Variants in SLC38A3 observed in about 807,000 individuals in gnomAD.
SLC38A3 encodes sodium-coupled neutral amino acid transporter 3.
SLC38A3 carries 17 observed loss-of-function variants against 59.5 expected under a neutral mutation model. The ratio of observed to expected loss-of-function variants is 0.29; its 90% CI spans 0.20 to 0.43. SLC38A3 has a LOEUF of 0.43. Ranked by LOEUF, SLC38A3 falls within the 20% of genes least tolerant of loss-of-function variation. The pLI is 1.00. For missense variants in SLC38A3, 454 were observed against 653.9 expected (o/e 0.69, Z 3.33); for synonymous variants, 238 against 260.3 (o/e 0.91, Z 0.82).
At chr3:50,205,790 C>T (rs1452949423) in intron 1 of SLC38A3, among the ~76,000 whole-genome samples, 1 of 152,236 alleles carries the variant, frequency 6.6e-6, no homozygotes, top group Non-Finnish European at 1.5e-5. Flanking sequence ...AGCGCTGCCC[C>T]GACGGGCGCC....
chr3:50,214,416 C>T lies in SLC38A3; in HGVS notation c.116C>T (p.Ala39Val), dbSNP rs555078572. The T allele has an allele frequency of 3.8e-6, 6 of 1,585,548 alleles. No homozygotes were observed. The South Asian group carries it at 4.6e-5, about 12-fold the overall frequency. ...TGTGCCTACAGGGTCGAGGACCCTGCACGGAGCTGTATGGAGGGCAAGAGC... is the reference window on the plus strand; with the variant it reads ...TGTGCCTACAGGGTCGAGGACCCTGTACGGAGCTGTATGGAGGGCAAGAGC... ...MAGNQRVEDP[A>V]RSCMEGKSFL... Residue 39 changes from alanine (A) to valine (V), a missense_variant, in exon 3 of 16, where the codon GCA becomes GTA. By Grantham distance (64) the Ala-to-Val change is moderately conservative. Transcript: ENST00000614032. This position sits in a 1 kb window ranked among gnomAD's most constrained non-coding sequence, Gnocchi z 6.0.
chr3:50,209,023 G>A (rs982979705), intron 1 of SLC38A3, among the ~76,000 whole-genome samples: 1 of 152,188 alleles, frequency 6.6e-6, no homozygotes, highest in Non-Finnish European at 1.5e-5. Flanking sequence ...CCAGAAGTCC[G>A]GCTGTCTAAA....
Position 50,214,248 on chromosome 3 carries a change from A to G in SLC38A3, c.49A>G (p.Lys17Glu). Reference sequence around the variant, plus strand: ...GATGGTGGAGCTGGTGCCCAATGGCAAACACTCAGAGGGGCTGCTCCCGGT... The same window carrying G: ...GATGGTGGAGCTGGTGCCCAATGGCGAACACTCAGAGGGGCTGCTCCCGGT... ...TEMVELVPNG[K>E]HSEGLLPVIT... Residue 17 changes from lysine (K) to glutamate (E), a missense_variant, in exon 2 of 16, where the codon AAA (lysine) becomes GAA (glutamate). Transcript: ENST00000614032. The surrounding 1 kb of genome is among the most constrained non-coding windows in gnomAD (Gnocchi z 6.0). 1.9e-6 allele frequency: 3 copies of G among 1,613,944 alleles called. No homozygotes were observed. Among genetic ancestry groups the G allele is most frequent in the Non-Finnish European group, 2.5e-6 (3 of 1,179,852 alleles).
Position 50,215,663 on chromosome 3 carries a change from G to T in SLC38A3, c.466+27G>T. ...TAAGAGCAGTGGGCAGGGGCAGGCA[G>T]TAGGGAGGTGGACAGCCCTGAAAGC... On this transcript the variant is annotated intron_variant, in intron 6 of 15. Transcript: ENST00000614032. The surrounding 1 kb of genome is among the most constrained non-coding windows in gnomAD (Gnocchi z 7.1). 1 of 1,612,430 alleles carries T rather than the reference G, an allele frequency of 6.2e-7. No homozygotes were observed. The highest frequency in any genetic ancestry group is 1.1e-5 in the South Asian group (1 of 91,040).
chr3:50,218,437 TGCCCTCCATACCGAG>T lies in SLC38A3; in HGVS notation c.1036+70_1036+84del. 1 of 1,519,898 alleles carries T rather than the reference TGCCCTCCATACCGAG, an allele frequency of 6.6e-7. No individual in the cohort carries two copies. Among genetic ancestry groups the T allele is most frequent in the Non-Finnish European group, 9.1e-7 (1 of 1,094,948 alleles). The allele number at this position is 1,519,898 out of a possible 1,614,324, so 94.2% of individuals were successfully genotyped here. A position where few individuals can be genotyped will look rare whatever the true frequency, so the allele number is the denominator to read the frequency against. On this transcript the variant is annotated intron_variant, in intron 12 of 15. Coordinates refer to ENST00000614032, the MANE Select transcript of SLC38A3 (RefSeq NM_006841.6). The surrounding 1 kb of genome is among the most constrained non-coding windows in gnomAD (Gnocchi z 5.8). Reference sequence around the variant, plus strand: ...GGGAAGGGGCTGGTTGTGGCCATGGTGCCCTCCATACCGAGGCGTGTGGTGCCTGGCTGTGCCTTG... The same window carrying T: ...GGGAAGGGGCTGGTTGTGGCCATGGTGCGTGTGGTGCCTGGCTGTGCCTTG...
At chr3:50,208,784 C>CTCTG (rs1230970702) in intron 1 of SLC38A3, among the ~76,000 whole-genome samples, 2 of 152,244 alleles carry the variant, frequency 1.3e-5, no homozygotes, top group Non-Finnish European at 1.5e-5. Flanking sequence ...GCCGCTGCAT[C>CTCTG]TCTGTCTGTC....
rs1040302190 is a variant in SLC38A3 at position 50,217,581 on chromosome 3, A to G, written c.691-95A>G. 2.5e-6 allele frequency: 4 copies of G among 1,581,994 alleles called. No homozygotes were observed. Among genetic ancestry groups the G allele is most frequent in the Non-Finnish European group, 3.5e-6 (4 of 1,155,332 alleles). ...CTCTGGGAAGCCTGGGCCAGAAGGC[A>G]GCTCCACCAGTCCTGATCTAGATGT... On this transcript the variant is annotated intron_variant, in intron 9 of 15. Coordinates refer to ENST00000614032, the MANE Select transcript of SLC38A3 (RefSeq NM_006841.6). The surrounding 1 kb of genome is among the most constrained non-coding windows in gnomAD (Gnocchi z 4.9).
Position 50,218,009 on chromosome 3 carries a change from G to A in SLC38A3, c.935+13G>A. Reference sequence around the variant, plus strand: ...CTGAGCTCAAGGAGTAGGTGTCTGTGGCTGGGAGTGGGGGTGGGGATGCCC... The same window carrying A: ...CTGAGCTCAAGGAGTAGGTGTCTGTAGCTGGGAGTGGGGGTGGGGATGCCC... On this transcript the variant is annotated intron_variant, in intron 11 of 15. Transcript: ENST00000614032. This position sits in a 1 kb window ranked among gnomAD's most constrained non-coding sequence, Gnocchi z 5.8. The A allele has an allele frequency of 6.2e-7, 1 of 1,613,300 alleles. No homozygotes were observed. The highest frequency in any genetic ancestry group is 1.1e-5 in the South Asian group (1 of 91,042).
chr3:50,212,872 G>C lies in SLC38A3; in HGVS notation c.-51-1277G>C, dbSNP rs144453433. On this transcript the variant is annotated intron_variant, in intron 1 of 15. Coordinates refer to ENST00000614032, the MANE Select transcript of SLC38A3 (RefSeq NM_006841.6). ...ATGGGGGGTTCAGGGCAGAATTCAG[G>C]GTTCTCCATCAGAGAGGGCACCACG... Among the ~76,000 whole-genome samples, 316 of 152,302 alleles carry C rather than the reference G, an allele frequency of 2.1e-3. 1 individual carries two copies. Among genetic ancestry groups the C allele is most frequent in the Admixed American group, 5.0e-3 (77 of 15,304 alleles).
chr3:50,214,848 C>T lies in SLC38A3; in HGVS notation c.299+80C>T. ...CATGACCTCCCAGGACCCGCCAGTT[C>T]CCTGTCCCAGCATCCAGGCTGCAGT... On this transcript the variant is annotated intron_variant, in intron 4 of 15. Transcript: ENST00000614032. The surrounding 1 kb of genome is among the most constrained non-coding windows in gnomAD (Gnocchi z 6.0). 1 of 914,524 alleles carries T rather than the reference C, an allele frequency of 1.1e-6. No individual in the cohort carries two copies. The highest frequency in any genetic ancestry group is 2.3e-5 in the Admixed American group (1 of 43,238). The allele number at this position is 914,524 out of a possible 1,614,324, so 56.7% of individuals were successfully genotyped here. A position where few individuals can be genotyped will look rare whatever the true frequency, so the allele number is the denominator to read the frequency against.
chr3:50,218,423 G>C lies in SLC38A3; in HGVS notation c.1036+53G>C, dbSNP rs966871284. ...TAGGCTAGGCTGGGGGGAAGGGGCTGGTTGTGGCCATGGTGCCCTCCATAC... is the reference window on the plus strand; with the variant it reads ...TAGGCTAGGCTGGGGGGAAGGGGCTCGTTGTGGCCATGGTGCCCTCCATAC... On this transcript the variant is annotated intron_variant, in intron 12 of 15. Coordinates refer to ENST00000614032, the MANE Select transcript of SLC38A3 (RefSeq NM_006841.6). This position sits in a 1 kb window ranked among gnomAD's most constrained non-coding sequence, Gnocchi z 5.8. 6.5e-7 allele frequency: 1 copy of C among 1,534,954 alleles called. No homozygotes were observed. The highest frequency in any genetic ancestry group is 9.0e-7 in the Non-Finnish European group (1 of 1,108,486).
intron 1 of SLC38A3, among the ~76,000 whole-genome samples, chr3:50,209,430 C>T (rs970274473): frequency 2.6e-5 from 4 of 152,080 alleles, no homozygotes; most frequent in African/African-American, 4.8e-5. Context: ...GGGTGGATCA[C>T]GAGGTCAGGA....
chr3:50,213,918 G>A (rs755789775), intron 1 of SLC38A3, among the ~76,000 whole-genome samples: 1 of 152,190 alleles, frequency 6.6e-6, no homozygotes, highest in Non-Finnish European at 1.5e-5. Flanking sequence ...GTGCATGTAA[G>A]AAGTGCATTA....
Position 50,213,118 on chromosome 3 carries a change from G to A in SLC38A3, c.-51-1031G>A, listed in dbSNP as rs550470558. On this transcript the variant is annotated intron_variant, in intron 1 of 15. Transcript: ENST00000614032. The stretch of plus-strand genomic sequence containing the variant: ...AGTTGTCTGGGCAGCGGGCAGGGGT[G>A]GTGGAGGAAGGAGAGCTGGTTCCTT... 1.4e-4 allele frequency among the ~76,000 whole-genome samples: 21 copies of A among 152,340 alleles called. No individual in the cohort carries two copies. The South Asian group carries it at 4.1e-3, about 30-fold the overall frequency.
chr3:50,219,996 C>T lies in SLC38A3; in HGVS notation c.1410+12C>T. ...CCCCCAAAATCCTGGTGCGAGGGGC[C>T]TGGAGGCCGGTGGGCTGGTATGGGG... On this transcript the variant is annotated intron_variant, in intron 15 of 15. Transcript: ENST00000614032. The T allele has an allele frequency of 1.9e-6, 3 of 1,608,756 alleles. No individual in the cohort carries two copies. The highest frequency in any genetic ancestry group is 2.5e-6 in the Non-Finnish European group (3 of 1,177,386).
At position 50,217,502 on chromosome 3, in the gene SLC38A3, A is replaced by G. The variant is rs1699834651; in HGVS notation, c.690+29A>G. On this transcript the variant is annotated intron_variant, in intron 9 of 15. Transcript: ENST00000614032. This position sits in a 1 kb window ranked among gnomAD's most constrained non-coding sequence, Gnocchi z 4.9. ...AGTCACCCTCCATGTTGGCTGAGAA[A>G]GCGGGCAGCGGGTCTCCTGGGGGAG... The G allele has an allele frequency of 6.2e-7, 1 of 1,607,970 alleles. No homozygotes were observed. Among genetic ancestry groups the G allele is most frequent in the African/African-American group, 1.3e-5 (1 of 74,762 alleles).
rs764560647 is a variant in SLC38A3 at position 50,217,274 on chromosome 3, T to C, written c.585T>C (p.Leu195=). The C allele has an allele frequency of 6.2e-6, 10 of 1,613,580 alleles. No individual in the cohort carries two copies. In the South Asian group the frequency reaches 7.7e-5, roughly 12 times the overall value. Residue 195 remains leucine, a synonymous_variant, in exon 8 of 16, where the codon CTT becomes CTC. Transcript: ENST00000614032. This position sits in a 1 kb window ranked among gnomAD's most constrained non-coding sequence, Gnocchi z 4.9. ...WYMNGNYLVI[L]VSVTIILPLA... ...TGAACGGGAACTACCTGGTAATCCT[T>C]GTCTCTGTCACCATCATTCTGCCCC...
intron 1 of SLC38A3, among the ~76,000 whole-genome samples, chr3:50,213,797 G>A (rs1699769186): frequency 6.6e-6 from 1 of 152,236 alleles, no homozygotes; most frequent in Non-Finnish European, 1.5e-5. Context: ...GGGGGCCTGG[G>A]ACTGAGCATC....
chr3:50,209,415 A>C (rs1479062261), intron 1 of SLC38A3, among the ~76,000 whole-genome samples: 1 of 152,146 alleles, frequency 6.6e-6, no homozygotes, highest in Non-Finnish European at 1.5e-5. Flanking sequence ...TTGGGAGGCC[A>C]AGGTGGGTGG....
Sources: allele counts gnomAD v4.1 joint callset (sites outside exome capture counted in the v4.1 genomes callset), GRCh38; gene constraint gnomAD v4.1.1; non-coding constraint Gnocchi (gnomAD v3.1); transcripts MANE v1.5; gene names NCBI Gene and HGNC (gene_info 2026-07-23, HGNC 2026-07-21).